The following FHIT variants were observed in gnomAD, a reference collection of about 807,000 sequenced individuals.
FHIT encodes the protein fragile histidine triad diadenosine triphosphatase.
FHIT carries 19 observed loss-of-function variants against 17.9 expected under a neutral mutation model. The ratio of observed to expected loss-of-function variants is 1.06; its 90% CI spans 0.74 to 1.56. The LOEUF (loss-of-function observed/expected upper bound fraction) is 1.56. Ranked by LOEUF, FHIT falls within the 40% of genes most tolerant of loss-of-function variation. The pLI is 0.00. For missense variants in FHIT, 248 were observed against 189.2 expected (o/e 1.31, Z -1.82); for synonymous variants, 81 against 69.7 (o/e 1.16, Z -0.81).
chr3:60,287,701 G>A (rs1038662998), intron 5 of FHIT, among the ~76,000 whole-genome samples: 1 of 152,120 alleles, frequency 6.6e-6, no homozygotes, highest in African/African-American at 2.4e-5. Flanking sequence ...TATAGCATGA[G>A]AGGAAGAGAG....
chr3:60,793,417 C>A (rs1485525816), intron 4 of FHIT, among the ~76,000 whole-genome samples: 1 of 152,046 alleles, frequency 6.6e-6, no homozygotes, highest in African/African-American at 2.4e-5. Flanking sequence ...ATTCTCCTAC[C>A]TCAGCCACCC....
intron 5 of FHIT, among the ~76,000 whole-genome samples, chr3:60,263,244 T>A (rs949383338): frequency 6.6e-6 from 1 of 152,000 alleles, no homozygotes; most frequent in Non-Finnish European, 1.5e-5. Flanking sequence ...CAAATGTTGA[T>A]GGTAGAGTGA....
chr3:60,626,392 T>C (rs1301441908), intron 4 of FHIT, among the ~76,000 whole-genome samples: 1 of 152,224 alleles, frequency 6.6e-6, no homozygotes, highest in Non-Finnish European at 1.5e-5. Flanking sequence ...CTTCAACTTA[T>C]TTCAAATATA....
At chr3:59,945,781 A>T (rs1225758243) in intron 7 of FHIT, among the ~76,000 whole-genome samples, 4 of 152,166 alleles carry the variant, frequency 2.6e-5, no homozygotes, top group African/African-American at 9.7e-5. Flanking sequence ...AGCACCATTT[A>T]TTGAAAAAGG....
intron 5 of FHIT, among the ~76,000 whole-genome samples, chr3:60,399,171 T>C (rs1460864482): frequency 6.6e-6 from 1 of 152,190 alleles, no homozygotes; most frequent in Non-Finnish European, 1.5e-5. Context: ...ATTTATAACC[T>C]ATAAAAAGTT....
At chr3:60,050,312 T>C (rs757007577) in intron 5 of FHIT, among the ~76,000 whole-genome samples, 1 of 152,178 alleles carries the variant, frequency 6.6e-6, no homozygotes, top group South Asian at 2.1e-4. Context: ...CCTTAAATTT[T>C]ACCTTTATTA....
chr3:60,047,731 C>G (rs951893035), intron 5 of FHIT, among the ~76,000 whole-genome samples: 1 of 152,146 alleles, frequency 6.6e-6, no homozygotes, highest in African/African-American at 2.4e-5. Flanking sequence ...AATAACTCTA[C>G]GAGGTAAGTA....
At chr3:60,088,611 T>G (rs1703599989) in intron 5 of FHIT, among the ~76,000 whole-genome samples, 1 of 152,192 alleles carries the variant, frequency 6.6e-6, no homozygotes, top group South Asian at 2.1e-4. Flanking sequence ...TTCCTTTTTT[T>G]GCATAAATAA....
intron 4 of FHIT, among the ~76,000 whole-genome samples, chr3:60,762,908 A>G (rs1465290321): frequency 5.9e-5 from 9 of 152,168 alleles, no homozygotes; most frequent in Admixed American, 5.2e-4. Flanking sequence ...TTTTGGACTG[A>G]GATCTCAGCC....
At chr3:59,883,533 G>GC (rs964050893) in intron 8 of FHIT, among the ~76,000 whole-genome samples, 1 of 152,196 alleles carries the variant, frequency 6.6e-6, no homozygotes, top group African/African-American at 2.4e-5. Flanking sequence ...GGGGGAAACT[G>GC]CCCCCATGAT....
chr3:60,953,276 T>G (rs1458010406), intron 3 of FHIT, among the ~76,000 whole-genome samples: 2 of 152,166 alleles, frequency 1.3e-5, no homozygotes, highest in Non-Finnish European at 2.9e-5. Context: ...ATGTCTGTCT[T>G]TCCACTAAAC....
chr3:59,883,071 A>G (rs1703475206), intron 8 of FHIT, among the ~76,000 whole-genome samples: 1 of 152,212 alleles, frequency 6.6e-6, no homozygotes, highest in African/African-American at 2.4e-5. Flanking sequence ...GTGATGTGTG[A>G]GAGCTGGTTT....
intron 5 of FHIT, among the ~76,000 whole-genome samples, chr3:60,263,921 T>C (rs557904254): frequency 2.2e-4 from 34 of 152,082 alleles, no homozygotes; most frequent in African/African-American, 7.5e-4. Flanking sequence ...GTGAGTGTTT[T>C]TTTTTTTAAA....
intron 5 of FHIT, among the ~76,000 whole-genome samples, chr3:60,040,429 C>G (rs967015720): frequency 5.9e-5 from 9 of 152,158 alleles, no homozygotes; most frequent in African/African-American, 2.2e-4. Context: ...CAGGCATGAG[C>G]CACCGCGCCT....
chr3:60,924,914 A>G (rs1156592819), intron 3 of FHIT, among the ~76,000 whole-genome samples: 1 of 152,146 alleles, frequency 6.6e-6, no homozygotes, highest in African/African-American at 2.4e-5. Context: ...TGACGAATAC[A>G]CAAGTCTCAG....
At chr3:59,922,272 T>A in intron 8 of FHIT, 74 bp downstream of exon 8, 1 of 1,233,830 alleles carries the variant, frequency 8.1e-7, no homozygotes, top group Non-Finnish European at 1.2e-6. Context: ...GGGTAATACT[T>A]GATTCATTAG....
chr3:60,458,597 T>C (rs1037290092), intron 5 of FHIT, among the ~76,000 whole-genome samples: 9 of 151,626 alleles, frequency 5.9e-5, no homozygotes, highest in Admixed American at 3.3e-4. Flanking sequence ...ATAATAATAA[T>C]AATAATAAAA....
intron 3 of FHIT, among the ~76,000 whole-genome samples, chr3:60,871,644 T>A (rs1389100560): frequency 1.3e-5 from 2 of 152,112 alleles, no homozygotes; most frequent in African/African-American, 4.8e-5. Context: ...ATTTGTTTAT[T>A]TTTTTCTGAA....
intron 2 of FHIT, among the ~76,000 whole-genome samples, chr3:61,077,840 C>T (rs1048246355): frequency 1.3e-5 from 2 of 152,004 alleles, no homozygotes; most frequent in Admixed American, 6.6e-5. Context: ...GCAAACAGCC[C>T]GGCACATAGC....
Sources: gnomAD v4.1 joint callset for allele counts (sites outside exome capture counted in the v4.1 genomes callset) on GRCh38, gnomAD v4.1.1 for gene constraint, MANE v1.5 for transcripts, NCBI Gene and HGNC (gene_info 2026-07-23, HGNC 2026-07-21) for gene names.